Variants in ARMC3 observed in about 807,000 individuals in gnomAD.
ARMC3 encodes armadillo repeat containing 3, also known as armadillo repeat-containing protein 3.
In ARMC3, 74 loss-of-function variants were observed where a neutral mutation model predicts 90.3. That is an observed-to-expected ratio of 0.82 (90% CI 0.68 to 0.99). The LOEUF is 0.99. Ranked by LOEUF, ARMC3 falls within the 50% of genes least tolerant of loss-of-function variation. ARMC3 has a pLI of 0.00. For synonymous variants in ARMC3, 334 were observed against 361.8 expected, an observed-to-expected ratio of 0.92 and a Z score of 0.87; for missense variants, 958 against 1,042.8, an observed-to-expected ratio of 0.92 and a Z score of 1.12.
intron 16 of ARMC3, among the ~76,000 whole-genome samples, chr10:23,026,883 C>T (rs1838736020): frequency 6.6e-6 from 1 of 152,170 alleles, no homozygotes; most frequent in South Asian, 2.1e-4. Flanking sequence ...CATCCTTCTT[C>T]CATTGAATTG....
chr10:22,972,759 T>G (rs1835731281), intron 8 of ARMC3, among the ~76,000 whole-genome samples: 1 of 152,192 alleles, frequency 6.6e-6, no homozygotes, highest in African/African-American at 2.4e-5. Flanking sequence ...TATTATACCC[T>G]CCTTGAAATG....
chr10:22,955,720 G>T lies in ARMC3; in HGVS notation c.167-87G>T, dbSNP rs1834908944. ...CCAAGAGTAATGTGAAAGGCAAATG[G>T]CAAATAAGAAATTGGAATGGCACAA... On this transcript the variant is annotated intron_variant, in intron 3 of 18. Coordinates refer to ENST00000298032, the MANE Select transcript of ARMC3 (RefSeq NM_173081.5). 3 of 1,497,336 alleles carry T rather than the reference G, an allele frequency of 2.0e-6. No individual in the cohort carries two copies. The South Asian group carries it at 4.0e-5, about 20-fold the overall frequency. The allele number at this position is 1,497,336 out of a possible 1,614,324, so 92.8% of individuals were successfully genotyped here.
At chr10:22,966,227 A>G (rs760116117) in intron 7 of ARMC3, among the ~76,000 whole-genome samples, 1 of 152,144 alleles carries the variant, frequency 6.6e-6, no homozygotes, top group Non-Finnish European at 1.5e-5. Flanking sequence ...GAGCTTCTGC[A>G]GTTTGCTGGT....
At chr10:22,968,608 T>C in intron 8 of ARMC3, 119 bp downstream of exon 8, 1 of 869,516 alleles carries the variant, frequency 1.2e-6, no homozygotes, top group South Asian at 2.3e-5. Context: ...TACAAGTGAT[T>C]CTCCCACCTC....
chr10:22,935,319 C>T (rs551248645), intron 2 of ARMC3, among the ~76,000 whole-genome samples: 67 of 152,296 alleles, frequency 4.4e-4, no homozygotes, highest in Middle Eastern at 3.4e-3. Context: ...CAGAACTCAA[C>T]CTTTCATTCT....
At chr10:23,026,167 A>G (rs1317863242) in intron 16 of ARMC3, among the ~76,000 whole-genome samples, 2 of 152,132 alleles carry the variant, frequency 1.3e-5, no homozygotes, top group African/African-American at 4.8e-5. Context: ...ATTAACATCA[A>G]TTGTACACAA....
At chr10:23,014,693 T>C (rs1333376635) in intron 16 of ARMC3, among the ~76,000 whole-genome samples, 4 of 152,022 alleles carry the variant, frequency 2.6e-5, no homozygotes, top group African/African-American at 9.7e-5. Context: ...AGCAAACTGA[T>C]GTAGGAACAG....
rs185577364 is a variant in ARMC3 at position 22,968,109 on chromosome 10, G to C, written c.733-197G>C. Among the ~76,000 whole-genome samples the C allele has an allele frequency of 7.5e-4, 114 of 152,244 alleles. 1 individual carries two copies. The highest frequency in any genetic ancestry group is 2.7e-3 in the African/African-American group (112 of 41,550). On this transcript the variant is annotated intron_variant, in intron 7 of 18. Transcript: ENST00000298032. ...ATCCATAAAACATTTTGGAGTAAGG[G>C]AAAGGAGAAAAGACAGGGCACATGG...
At chr10:23,015,387 C>G (rs925497026) in intron 16 of ARMC3, among the ~76,000 whole-genome samples, 5 of 152,194 alleles carry the variant, frequency 3.3e-5, no homozygotes, top group Admixed American at 6.5e-5. Flanking sequence ...AACATTTCTT[C>G]TAAAGCTTTT....
intron 7 of ARMC3, among the ~76,000 whole-genome samples, chr10:22,962,747 G>A (rs1050890713): frequency 6.6e-6 from 1 of 152,174 alleles, no homozygotes; most frequent in Non-Finnish European, 1.5e-5. Context: ...GAAAAACGGA[G>A]TGGTAACTTT....
At chr10:22,978,817 T>G (rs866521362) in intron 8 of ARMC3, among the ~76,000 whole-genome samples, 1 of 152,242 alleles carries the variant, frequency 6.6e-6, no homozygotes, top group Non-Finnish European at 1.5e-5. Context: ...TAACTATCAA[T>G]AGCAATTTAT....
rs1234900701 is a variant in ARMC3, at chr10:23,006,878, T to A, written c.1732-6T>A. On this transcript the variant is annotated splice_polypyrimidine_tract_variant and splice_region_variant and intron_variant, in intron 13 of 18. Transcript: ENST00000298032. ...ACTACTTTTTGGTCCTTAAATTATC[T>A]CACAGATAAATCCCGGCACCAAACT... 5.6e-6 allele frequency: 9 copies of A among 1,613,760 alleles called. No individual in the cohort carries two copies. Among genetic ancestry groups the A allele is most frequent in the South Asian group, 5.5e-5 (5 of 91,082 alleles).
intron 1 of ARMC3, among the ~76,000 whole-genome samples, chr10:22,929,056 T>C (rs1420391849): frequency 6.6e-6 from 1 of 151,972 alleles, no homozygotes; most frequent in East Asian, 1.9e-4. Context: ...GGGAAACCTG[T>C]CTCTACTGAA....
At chr10:22,931,851 C>T (rs1054078909) in intron 1 of ARMC3, 145 bp from the exon 2 acceptor site, 9 of 636,898 alleles carry the variant, frequency 1.4e-5, no homozygotes, top group African/African-American at 5.7e-5. Context: ...CATATTTGTA[C>T]ATATGTGATA....
rs183683594 is a variant in ARMC3, at chr10:22,950,043, G to A, written c.166+3782G>A. Among the ~76,000 whole-genome samples, 19 of 151,794 alleles carry A rather than the reference G, an allele frequency of 1.3e-4. No homozygotes were observed. The East Asian group carries it at 1.7e-3, about 14-fold the overall frequency. On this transcript the variant is annotated intron_variant, in intron 3 of 18. Coordinates refer to ENST00000298032, the MANE Select transcript of ARMC3 (RefSeq NM_173081.5). ...ACAGAATTACATATCCAGAAAAAAG[G>A]TCTTTCAAAAACGTAGGTGAAATAA...
At position 22,959,556 on chromosome 10, in the gene ARMC3, C is replaced by T. The variant is rs771817212; in HGVS notation, c.519C>T (p.Cys173=). Reference sequence around the variant, plus strand: ...ATGTAAAGAAGAACTCTATGGAATGCATTTACAACTTGGTGCAGGTAAGAT... The same window carrying T: ...ATGTAAAGAAGAACTCTATGGAATGTATTTACAACTTGGTGCAGGTAAGAT... ...DPDVKKNSME[C]IYNLVQDFQC... The change falls in exon 6 of 19, where the codon TGC becomes TGT. Residue 173 remains cysteine (C), a synonymous_variant. Coordinates refer to ENST00000298032, the MANE Select transcript of ARMC3 (RefSeq NM_173081.5). The T allele has an allele frequency of 3.7e-6, 6 of 1,601,894 alleles. No homozygotes were observed. The highest frequency in any genetic ancestry group is 5.1e-6 in the Non-Finnish European group (6 of 1,177,026).
chr10:22,933,581 T>A (rs570773094), intron 2 of ARMC3, among the ~76,000 whole-genome samples: 15 of 152,116 alleles, frequency 9.9e-5, no homozygotes, highest in African/African-American at 3.6e-4. Flanking sequence ...TGACCAATGG[T>A]CCTTACTTTT....
intron 8 of ARMC3, among the ~76,000 whole-genome samples, chr10:22,973,014 C>T (rs1316495087): frequency 1.3e-5 from 2 of 152,042 alleles, no homozygotes; most frequent in Non-Finnish European, 2.9e-5. Context: ...CATTTTGGGG[C>T]TGGGCACAGT....
intron 13 of ARMC3, among the ~76,000 whole-genome samples, chr10:23,005,441 G>A (rs1034565854): frequency 5.9e-5 from 9 of 152,108 alleles, no homozygotes; most frequent in South Asian, 2.1e-4. Flanking sequence ...TATAAGTTTC[G>A]GATATTGGAG....
Sources: gnomAD v4.1 joint callset for allele counts (sites outside exome capture counted in the v4.1 genomes callset) on GRCh38, gnomAD v4.1.1 for gene constraint, MANE v1.5 for transcripts, NCBI Gene and HGNC (gene_info 2026-07-23, HGNC 2026-07-21) for gene names.